Variants in RGS9 observed in about 807,000 individuals in gnomAD.
RGS9 encodes regulator of G protein signaling 9.
RGS9 carries 78 observed loss-of-function variants against 102.0 expected under a neutral mutation model. The observed-to-expected ratio is 0.76, with a 90% CI of 0.64 to 0.92. RGS9 has a LOEUF of 0.92. Among genes scored for constraint, RGS9 ranks in the 40% least tolerant of loss-of-function variants. The pLI, the probability that RGS9 is intolerant of heterozygous loss-of-function variation, is 0.00. For synonymous variants in RGS9, 353 were observed against 318.6 expected (o/e 1.11, Z -1.15); for missense variants, 833 against 866.1 (o/e 0.96, Z 0.48).
At chr17:65,202,444 T>TGTGTGTGTGTGTGTGTGAGAGA (rs3838367) in intron 14 of RGS9, among the ~76,000 whole-genome samples, 17 of 131,776 alleles carry the variant, frequency 1.3e-4, no homozygotes, top group African/African-American at 3.1e-4. Context: ...TGTGTGTGTG[T>TGTGTGTGTGTGTGTGTGAGAGA]GAGAGAGAGA....
At position 65,161,561 on chromosome 17, in the gene RGS9, A is replaced by G. The variant is rs549615631; in HGVS notation, c.423+652A>G. ...GCCATCGTGCCTGGCCCGAACTTCA[A>G]TTTATGATGGGAAAACAATAGGACT... is the stretch of plus-strand genomic sequence containing the variant. On this transcript the variant is annotated intron_variant, in intron 6 of 18. Coordinates refer to ENST00000262406, the MANE Select transcript of RGS9 (RefSeq NM_003835.4). Among the ~76,000 whole-genome samples the G allele has an allele frequency of 2.6e-5, 4 of 151,346 alleles. No homozygotes were observed. In the East Asian group the frequency reaches 8.0e-4, roughly 30 times the overall value.
At chr17:65,172,956 C>T (rs774798105) in intron 8 of RGS9, among the ~76,000 whole-genome samples, 2 of 151,080 alleles carry the variant, frequency 1.3e-5, no homozygotes, top group Admixed American at 6.6e-5. Flanking sequence ...GGAGTGTTGC[C>T]CTATTGCCCA....
At chr17:65,206,786 G>T (rs9916766) in intron 15 of RGS9, among the ~76,000 whole-genome samples, 22,185 of 152,192 alleles carry the variant, frequency 0.15, 3,366 homozygotes, top group African/African-American at 0.34. Context: ...ATTGGTAACT[G>T]CAGAAAAGAA....
rs920991123 is a variant in RGS9 at position 65,221,115 on chromosome 17, G to C, written c.1408-3887G>C. On this transcript the variant is annotated intron_variant, in intron 17 of 18. Transcript: ENST00000262406. Reference sequence around the variant, plus strand: ...ATTGTCCAGGACCAGTAAAGCTAATGGTCATTTGCCCAGAAGAAAGGACCA... The same window carrying C: ...ATTGTCCAGGACCAGTAAAGCTAATCGTCATTTGCCCAGAAGAAAGGACCA... Among the ~76,000 whole-genome samples the C allele has an allele frequency of 2.6e-5, 4 of 152,256 alleles. No individual in the cohort carries two copies. In the East Asian group the frequency reaches 7.7e-4, roughly 29 times the overall value.
At chr17:65,162,553 C>T (rs1164983309) in intron 6 of RGS9, among the ~76,000 whole-genome samples, 2 of 152,132 alleles carry the variant, frequency 1.3e-5, no homozygotes. Context: ...AGCTCTGCCT[C>T]CCAGGTTCAT....
intron 2 of RGS9, among the ~76,000 whole-genome samples, chr17:65,156,276 G>A (rs1910764141): frequency 6.6e-6 from 1 of 152,182 alleles, no homozygotes; most frequent in Non-Finnish European, 1.5e-5. Context: ...ACCCGCCTCG[G>A]CCTCCCAAAG....
rs1164244479 is a variant in RGS9 at position 65,215,492 on chromosome 17, CT to C, written c.1407+4890del. The stretch of plus-strand genomic sequence containing the variant: ...TTTCTTTCTCTATCTTTCTTTCGTT[CT>C]TTCGTTCTTTCTTTCTTTCTTTCTT... On this transcript the variant is annotated intron_variant, in intron 17 of 18. Coordinates refer to ENST00000262406, the MANE Select transcript of RGS9 (RefSeq NM_003835.4). 3.2e-3 allele frequency among the ~76,000 whole-genome samples: 367 copies of C among 114,402 alleles called. 5 individuals carry two copies. The highest frequency in any genetic ancestry group is 0.017 in the African/African-American group (354 of 21,090). The allele number at this position is 114,402 out of a possible 152,430, so 75.1% of individuals were successfully genotyped here.
chr17:65,160,617 GGT>G, intron 5 of RGS9, 30 bp downstream of exon 5: 1 of 1,610,650 alleles, frequency 6.2e-7, no homozygotes, highest in Non-Finnish European at 8.5e-7. Flanking sequence ...CTATGCCTTT[GGT>G]AGTGCTTAAC....
intron 17 of RGS9, among the ~76,000 whole-genome samples, chr17:65,214,003 C>A (rs1017880666): frequency 6.6e-6 from 1 of 152,044 alleles, no homozygotes; most frequent in African/African-American, 2.4e-5. Context: ...GCTCTGTTGC[C>A]CAGGCTGGAG....
chr17:65,148,459 G>A lies in RGS9; in HGVS notation c.58-4963G>A, dbSNP rs78357541. ...AGTGGTATTGTTGGATGCTGTGGTAGTTCTATTTTTAATTTTTCTGATGAA... is the reference window on the plus strand; with the variant it reads ...AGTGGTATTGTTGGATGCTGTGGTAATTCTATTTTTAATTTTTCTGATGAA... On this transcript the variant is annotated intron_variant, in intron 1 of 18. Coordinates refer to ENST00000262406, the MANE Select transcript of RGS9 (RefSeq NM_003835.4). Among the ~76,000 whole-genome samples the A allele has an allele frequency of 5.3e-5, 8 of 152,298 alleles. No homozygotes were observed. In the East Asian group the frequency reaches 1.3e-3, roughly 26 times the overall value.
At chr17:65,147,180 G>A (rs387208) in intron 1 of RGS9, among the ~76,000 whole-genome samples, 55,275 of 152,030 alleles carry the variant, frequency 0.36, 14,264 homozygotes, top group African/African-American at 0.74. Flanking sequence ...TCTGAGTCAA[G>A]CCAAAATAAG....
At chr17:65,145,224 G>A (rs559811364) in intron 1 of RGS9, among the ~76,000 whole-genome samples, 2 of 152,034 alleles carry the variant, frequency 1.3e-5, no homozygotes, top group African/African-American at 4.8e-5. Context: ...TAGAGTAGCT[G>A]GGACTACAGG....
At chr17:65,165,962 A>T (rs950911383) in intron 7 of RGS9, among the ~76,000 whole-genome samples, 1 of 152,164 alleles carries the variant, frequency 6.6e-6, no homozygotes, top group African/African-American at 2.4e-5. Flanking sequence ...ATTCTAACTC[A>T]GAGTCTCTTG....
chr17:65,225,483 C>T lies in RGS9; in HGVS notation c.1889C>T (p.Ala630Val), dbSNP rs753170203. The T allele has an allele frequency of 1.9e-6, 3 of 1,601,904 alleles. No individual in the cohort carries two copies. Among genetic ancestry groups the T allele is most frequent in the Non-Finnish European group, 2.5e-6 (3 of 1,179,966 alleles). ...QLPRLKSKRV[A>V]NFFQIKMDVP... ...CCACGATTGAAATCCAAGAGAGTAG[C>T]AAAGTAAGAACCCGAAGGGGACGTG... The change falls in exon 18 of 19, where the codon GCA (alanine) becomes GTA (valine). Residue 630 changes from alanine (A) to valine (V), a missense_variant. Transcript: ENST00000262406.
intron 8 of RGS9, among the ~76,000 whole-genome samples, 185 bp downstream of exon 8, chr17:65,168,466 A>G (rs1410717025): frequency 6.8e-6 from 1 of 146,572 alleles, no homozygotes; most frequent in Non-Finnish European, 1.5e-5. Flanking sequence ...CTCTGCCTGG[A>G]TGGGGTCTGC....
intron 15 of RGS9, among the ~76,000 whole-genome samples, chr17:65,206,703 A>C (rs948592894): frequency 2.6e-5 from 4 of 151,882 alleles, no homozygotes; most frequent in Middle Eastern, 3.2e-3. Flanking sequence ...AACAAACAAA[A>C]AAACCTGTAG....
chr17:65,223,938 G>GT, intron 17 of RGS9, among the ~76,000 whole-genome samples: 1 of 151,080 alleles, frequency 6.6e-6, no homozygotes, highest in East Asian at 1.9e-4. Context: ...TGTATTTTTA[G>GT]TAGAGATGGG....
At chr17:65,190,827 G>A (rs1291073802) in intron 11 of RGS9, among the ~76,000 whole-genome samples, 1 of 152,178 alleles carries the variant, frequency 6.6e-6, no homozygotes, top group Non-Finnish European at 1.5e-5. Flanking sequence ...TCTTAGGACT[G>A]CATTTCTAAC....
At chr17:65,157,624 T>A (rs957593846) in intron 2 of RGS9, among the ~76,000 whole-genome samples, 1 of 152,006 alleles carries the variant, frequency 6.6e-6, no homozygotes. Flanking sequence ...TTGCAGGGCC[T>A]GGGGCGAGAG....
Sources: gnomAD v4.1 joint callset for allele counts (sites outside exome capture counted in the v4.1 genomes callset) on GRCh38, gnomAD v4.1.1 for gene constraint, MANE v1.5 for transcripts, NCBI Gene and HGNC (gene_info 2026-07-23, HGNC 2026-07-21) for gene names.